The following SPMIP2 variants were observed in gnomAD, a reference collection of about 807,000 sequenced individuals.
SPMIP2 encodes the protein protein SPMIP2.
chr4:159,028,051 T>C, the SPMIP2 span, among the ~76,000 whole-genome samples: 3 of 152,284 alleles, frequency 2.0e-5, no homozygotes, highest in South Asian at 6.2e-4. Flanking sequence ...GTCAGTAATC[T>C]GGATGTAAGG....
At chr4:159,071,853 C>G in the SPMIP2 span, among the ~76,000 whole-genome samples, 4 of 152,120 alleles carry the variant, frequency 2.6e-5, no homozygotes, top group Non-Finnish European at 4.4e-5. Flanking sequence ...GACTGCTTTC[C>G]CACAAAAACA....
At chr4:158,904,637 G>T in the SPMIP2 span, 1 of 1,116,962 alleles carries the variant, frequency 9.0e-7, no homozygotes, top group South Asian at 1.3e-5. Context: ...TCAAAAGCAT[G>T]AGAAGAGCAA....
the SPMIP2 span, among the ~76,000 whole-genome samples, chr4:159,024,535 A>AAAGGGAAACGGACTC: frequency 9.2e-5 from 14 of 152,288 alleles, no homozygotes; most frequent in Non-Finnish European, 1.6e-4. Flanking sequence ...GGAAGAAAGG[A>AAAGGGAAACGGACTC]AAGGGAAACG....
chr4:158,989,126 C>T, the SPMIP2 span, among the ~76,000 whole-genome samples: 1 of 152,114 alleles, frequency 6.6e-6, no homozygotes, highest in Non-Finnish European at 1.5e-5. Flanking sequence ...AGTGAACTCC[C>T]AGTCACAATT....
At chr4:159,082,708 T>C in the SPMIP2 span, among the ~76,000 whole-genome samples, 5 of 152,334 alleles carry the variant, frequency 3.3e-5, no homozygotes, top group South Asian at 8.3e-4. Context: ...AGAAACTACA[T>C]TGCAAAAACC....
the SPMIP2 span, among the ~76,000 whole-genome samples, chr4:159,058,573 G>A: frequency 5.3e-5 from 8 of 152,006 alleles, no homozygotes; most frequent in Non-Finnish European, 1.0e-4. Context: ...ATAGGTTTAA[G>A]GGCAACTCTA....
At chr4:158,976,658 C>CTTTTTTT in the SPMIP2 span, among the ~76,000 whole-genome samples, 1 of 71,230 alleles carries the variant, frequency 1.4e-5, no homozygotes, top group African/African-American at 6.4e-5. Flanking sequence ...GATGGATAAG[C>CTTTTTTT]ATTTTTTTTT....
the SPMIP2 span, among the ~76,000 whole-genome samples, chr4:158,910,128 G>A: frequency 6.6e-6 from 1 of 152,116 alleles, no homozygotes; most frequent in Non-Finnish European, 1.5e-5. Flanking sequence ...TGACCCTCCT[G>A]CCTCAGCTTC....
At chr4:158,959,905 C>T in the SPMIP2 span, among the ~76,000 whole-genome samples, 1 of 152,090 alleles carries the variant, frequency 6.6e-6, no homozygotes, top group Non-Finnish European at 1.5e-5. Flanking sequence ...TCCAGGCCAA[C>T]AGCATGAAAT....
At chr4:158,931,609 C>T in the SPMIP2 span, among the ~76,000 whole-genome samples, 1 of 152,036 alleles carries the variant, frequency 6.6e-6, no homozygotes, top group Non-Finnish European at 1.5e-5. Context: ...GCTCTTTTGC[C>T]CAGGCTGGAG....
At chr4:159,046,119 A>G in the SPMIP2 span, among the ~76,000 whole-genome samples, 2 of 151,930 alleles carry the variant, frequency 1.3e-5, no homozygotes, top group African/African-American at 2.4e-5. Flanking sequence ...TGTGCCAGCT[A>G]CTTGGGAGGC....
the SPMIP2 span, among the ~76,000 whole-genome samples, chr4:159,001,710 C>T: frequency 5.3e-5 from 8 of 152,098 alleles, no homozygotes; most frequent in Non-Finnish European, 1.2e-4. Context: ...TATTCCATGT[C>T]GTATATGTAC....
At chr4:158,930,033 G>A in the SPMIP2 span, among the ~76,000 whole-genome samples, 127 of 152,122 alleles carry the variant, frequency 8.3e-4, 2 homozygotes, top group Non-Finnish European at 1.5e-3. Flanking sequence ...TCATTTTCGA[G>A]GCATAAAAGC....
the SPMIP2 span, among the ~76,000 whole-genome samples, chr4:158,930,616 T>G: frequency 1.3e-5 from 2 of 151,756 alleles, no homozygotes; most frequent in Admixed American, 1.3e-4. Context: ...CTCAGCCTCC[T>G]GAGAATTTAG....
the SPMIP2 span, among the ~76,000 whole-genome samples, chr4:158,967,150 A>T: frequency 6.6e-6 from 1 of 152,246 alleles, no homozygotes; most frequent in Non-Finnish European, 1.5e-5. Context: ...TTTAGATATA[A>T]GTAAAATTTT....
At chr4:159,067,517 C>T in the SPMIP2 span, among the ~76,000 whole-genome samples, 3 of 152,180 alleles carry the variant, frequency 2.0e-5, no homozygotes, top group Non-Finnish European at 4.4e-5. Flanking sequence ...AGGCGTGAGC[C>T]ACCATGCCCA....
the SPMIP2 span, among the ~76,000 whole-genome samples, chr4:158,953,784 C>G: frequency 6.6e-6 from 1 of 152,196 alleles, no homozygotes; most frequent in African/African-American, 2.4e-5. Context: ...GATGTAAGAC[C>G]TGGAGTCAAA....
chr4:158,926,382 G>A, the SPMIP2 span, among the ~76,000 whole-genome samples: 1 of 151,130 alleles, frequency 6.6e-6, no homozygotes, highest in Non-Finnish European at 1.5e-5. Flanking sequence ...TTCATGTGTT[G>A]TGTGTTTGTT....
chr4:158,957,773 A>T, the SPMIP2 span, among the ~76,000 whole-genome samples: 19 of 152,130 alleles, frequency 1.2e-4, no homozygotes, highest in African/African-American at 3.9e-4. Flanking sequence ...CTCAGTAAAC[A>T]CTTATCTGAC....
Sources: allele counts gnomAD v4.1 joint callset (sites outside exome capture counted in the v4.1 genomes callset), GRCh38; gene constraint gnomAD v4.1.1; transcripts MANE v1.5; gene names NCBI Gene and HGNC (gene_info 2026-07-23, HGNC 2026-07-21).